MEMO1: variants seen among roughly 807,000 people sequenced by gnomAD.
The protein encoded by MEMO1 is protein MEMO1.
A neutral mutation model predicts 45.2 loss-of-function variants in MEMO1; 6 were observed. The ratio of observed to expected loss-of-function variants is 0.13; its 90% CI spans 0.07 to 0.26. The LOEUF is 0.26. Among genes scored for constraint, MEMO1 ranks in the 10% least tolerant of loss-of-function variants. The pLI is 1.00. For synonymous variants in MEMO1, 78 were observed against 124.3 expected, an observed-to-expected ratio of 0.63 and a Z score of 2.48; for missense variants, 184 against 370.5, an observed-to-expected ratio of 0.50 and a Z score of 4.13.
intron 4 of MEMO1, among the ~76,000 whole-genome samples, chr2:31,921,584 CAT>C (rs1682316265): frequency 6.6e-6 from 1 of 152,128 alleles, no homozygotes; most frequent in Admixed American, 6.5e-5. Flanking sequence ...GGATTTTATG[CAT>C]TTAAGCTACT....
At chr2:31,945,841 T>C (rs1458437813) in intron 2 of MEMO1, among the ~76,000 whole-genome samples, 1 of 152,196 alleles carries the variant, frequency 6.6e-6, no homozygotes, top group Non-Finnish European at 1.5e-5. Context: ...GTTGCTCCAA[T>C]TACCAAGTGA....
chr2:31,979,910 T>C (rs932756180), intron 2 of MEMO1, among the ~76,000 whole-genome samples: 8 of 151,976 alleles, frequency 5.3e-5, no homozygotes, highest in African/African-American at 7.2e-5. Flanking sequence ...TAAATAATTA[T>C]TGACTGATAT....
At chr2:31,933,357 A>AAAT (rs1558514445) in intron 3 of MEMO1, among the ~76,000 whole-genome samples, 1 of 31,510 alleles carries the variant, frequency 3.2e-5, no homozygotes, top group African/African-American at 9.9e-5. Context: ...AAATTTATAT[A>AAAT]TATATATATA....
At chr2:31,949,236 A>T (rs1274169214) in intron 2 of MEMO1, among the ~76,000 whole-genome samples, 2 of 152,234 alleles carry the variant, frequency 1.3e-5, no homozygotes, top group African/African-American at 4.8e-5. Context: ...GAGCTACCAT[A>T]GGATCCAGCA....
chr2:32,002,180 T>C lies in MEMO1; in HGVS notation c.61+8007A>G, dbSNP rs1329849023. On this transcript the variant is annotated intron_variant, in intron 2 of 9. Transcript: ENST00000404530. ...AAAAAAAAAAAAAAATATATATATA[T>C]ATATATACACACACACACACACATG... Among the ~76,000 whole-genome samples, 83 of 127,458 alleles carry C rather than the reference T, an allele frequency of 6.5e-4. 3 individuals carry two copies. The South Asian group carries it at 0.019, about 29-fold the overall frequency. The allele number at this position is 127,458 out of a possible 152,430, so 83.6% of individuals were successfully genotyped here.
At chr2:31,942,710 T>C (rs1448884514) in intron 3 of MEMO1, among the ~76,000 whole-genome samples, 1 of 151,982 alleles carries the variant, frequency 6.6e-6, no homozygotes, top group Non-Finnish European at 1.5e-5. Context: ...TTAGTAGAGA[T>C]GGAGTCTCAC....
In MEMO1 at chr2:31,870,063, G is replaced by A. The variant is rs1673467565; in HGVS notation, c.658-111C>T. 6 of 828,876 alleles carry A rather than the reference G, an allele frequency of 7.2e-6. No homozygotes were observed. The South Asian group carries it at 9.7e-5, about 13-fold the overall frequency. 51.3% of individuals were successfully genotyped at this position (828,876 alleles called of 1,614,324 possible). ...ACTTAAACATAATTCTTCAATTAGGGAGACACAAAGAAAACAGATTAAATA... is the reference window on the plus strand; with the variant it reads ...ACTTAAACATAATTCTTCAATTAGGAAGACACAAAGAAAACAGATTAAATA... On this transcript the variant is annotated intron_variant, in intron 8 of 9. Coordinates refer to ENST00000404530, the MANE Select transcript of MEMO1 (RefSeq NM_001301833.4).
chr2:32,002,186 T>C (rs61068181), intron 2 of MEMO1, among the ~76,000 whole-genome samples: 5,591 of 115,492 alleles, frequency 0.048, 215 homozygotes, highest in African/African-American at 0.078. Context: ...TATATATATA[T>C]ACACACACAC....
intron 6 of MEMO1, among the ~76,000 whole-genome samples, chr2:31,901,163 AG>A (rs1390376938): frequency 6.6e-6 from 1 of 151,960 alleles, no homozygotes; most frequent in Non-Finnish European, 1.5e-5. Context: ...CTTTGAGCTC[AG>A]GAGTTCGAGA....
chr2:31,898,855 T>C (rs933310077), intron 6 of MEMO1, among the ~76,000 whole-genome samples: 3 of 152,210 alleles, frequency 2.0e-5, no homozygotes, highest in Non-Finnish European at 2.9e-5. Context: ...TAAGTCTCTT[T>C]GTAGTTCTCT....
Position 31,997,577 on chromosome 2 carries a change from A to T in MEMO1, c.61+12610T>A, listed in dbSNP as rs561612775. Among the ~76,000 whole-genome samples, 4 of 152,322 alleles carry T rather than the reference A, an allele frequency of 2.6e-5. No homozygotes were observed. The South Asian group carries it at 8.3e-4, about 32-fold the overall frequency. ...TACAAATTTCCTTTCCTTGACCATC[A>T]GTCAGAATTAGTCAATCTTATGAAG... On this transcript the variant is annotated intron_variant, in intron 2 of 9. Transcript: ENST00000404530.
intron 2 of MEMO1, among the ~76,000 whole-genome samples, chr2:31,952,345 T>C (rs1666934693): frequency 6.6e-6 from 1 of 152,194 alleles, no homozygotes; most frequent in South Asian, 2.1e-4. Context: ...TAATCTTTAG[T>C]GTGTACCAAC....
chr2:31,978,124 C>A (rs535122109), intron 2 of MEMO1, among the ~76,000 whole-genome samples: 1 of 152,132 alleles, frequency 6.6e-6, no homozygotes, highest in African/African-American at 2.4e-5. Context: ...CGGTGGCTCA[C>A]ACCTGTAATC....
At chr2:31,995,501 T>G (rs929184893) in intron 2 of MEMO1, among the ~76,000 whole-genome samples, 2 of 152,090 alleles carry the variant, frequency 1.3e-5, no homozygotes, top group African/African-American at 4.8e-5. Flanking sequence ...ATGAAAATTA[T>G]AATATTTGAT....
intron 2 of MEMO1, among the ~76,000 whole-genome samples, chr2:31,990,760 G>A (rs1393179159): frequency 6.6e-6 from 1 of 151,820 alleles, no homozygotes; most frequent in Admixed American, 6.6e-5. Flanking sequence ...TTGATATCTA[G>A]TGATATACAT....
chr2:31,938,198 C>G lies in MEMO1; in HGVS notation c.143+5104G>C, dbSNP rs148820258. On this transcript the variant is annotated intron_variant, in intron 3 of 9. Coordinates refer to ENST00000404530, the MANE Select transcript of MEMO1 (RefSeq NM_001301833.4). ...TATTTATTCTTTAATGGTATTTATTCTATTTAATCTATATCAATATAAAAA... is the reference window on the plus strand; with the variant it reads ...TATTTATTCTTTAATGGTATTTATTGTATTTAATCTATATCAATATAAAAA... 8.2e-3 allele frequency among the ~76,000 whole-genome samples: 1,246 copies of G among 152,190 alleles called. 18 individuals carry two copies. The highest frequency in any genetic ancestry group is 0.012 in the Non-Finnish European group (837 of 67,998).
intron 6 of MEMO1, among the ~76,000 whole-genome samples, chr2:31,910,817 G>A (rs905864994): frequency 3.3e-5 from 5 of 151,930 alleles, no homozygotes; most frequent in African/African-American, 1.2e-4. Flanking sequence ...CCAAGATTGT[G>A]CACCCCTGCA....
intron 2 of MEMO1, among the ~76,000 whole-genome samples, chr2:31,961,974 T>C (rs1325406364): frequency 1.3e-5 from 2 of 151,980 alleles, no homozygotes; most frequent in Non-Finnish European, 2.9e-5. Flanking sequence ...TAAGACCAAG[T>C]CATTCCCAAT....
At chr2:31,888,296 C>T (rs371624157) in intron 7 of MEMO1, among the ~76,000 whole-genome samples, 1 of 152,064 alleles carries the variant, frequency 6.6e-6, no homozygotes. Flanking sequence ...CTACCATACC[C>T]GGTTCATAAC....
Sources: allele counts gnomAD v4.1 joint callset (sites outside exome capture counted in the v4.1 genomes callset), GRCh38; gene constraint gnomAD v4.1.1; transcripts MANE v1.5; gene names NCBI Gene and HGNC (gene_info 2026-07-23, HGNC 2026-07-21).